CNKSR3: variants seen among roughly 807,000 people sequenced by gnomAD.
CNKSR3 encodes the protein CNKSR family member 3.
In CNKSR3, 36 loss-of-function variants were observed where a neutral mutation model predicts 67.7. The ratio of observed to expected loss-of-function variants is 0.53; its 90% confidence interval spans 0.41 to 0.70. CNKSR3 has a LOEUF of 0.70. Among genes scored for constraint, CNKSR3 ranks in the 30% least tolerant of loss-of-function variants. The probability of loss-of-function intolerance (pLI) is 0.00; values close to 1 mark genes in which losing one functional copy is unlikely to be tolerated. For missense variants in CNKSR3, 630 were observed against 695.2 expected (o/e 0.91, Z 1.05); for synonymous variants, 281 against 271.4 (o/e 1.04, Z -0.35).
Position 154,410,395 on chromosome 6 carries a change from GT to G in CNKSR3, c.1316del (p.Asn439ThrfsTer115). ...PRPLSMPADG[N>X]WMGIVDPFAR... Reference sequence around the variant, plus strand: ...CAAAAGGGTCCACAATCCCCATCCAGTTCCCATCAGCAGGCATGGACAAAGG... The same window carrying G: ...CAAAAGGGTCCACAATCCCCATCCAGTCCCATCAGCAGGCATGGACAAAGG... On this transcript the variant is annotated frameshift_variant, in exon 12 of 13. Transcript: ENST00000607772. LOFTEE classifies it high-confidence loss of function. 2 of 1,614,116 alleles carry G rather than the reference GT, an allele frequency of 1.2e-6. No homozygotes were observed. Among genetic ancestry groups the G allele is most frequent in the Non-Finnish European group, 1.7e-6 (2 of 1,179,962 alleles).
chr6:154,391,190 T>C lies in CNKSR3; in HGVS notation c.*15164A>G, dbSNP rs1784602807. On this transcript the variant is annotated 3_prime_UTR_variant, in exon 13 of 13. Coordinates refer to ENST00000607772, the MANE Select transcript of CNKSR3 (RefSeq NM_173515.4). ...ATGTGCATACATATCTGTGTCCACATGTCCTTGATTGAGCCCACCATAATG... is the reference window on the plus strand; with the variant it reads ...ATGTGCATACATATCTGTGTCCACACGTCCTTGATTGAGCCCACCATAATG... The C allele has an allele frequency of 6.6e-6, 1 of 152,174 alleles. No homozygotes were observed. The highest frequency in any genetic ancestry group is 2.1e-4 in the South Asian group (1 of 4,824). 9.4% of individuals were successfully genotyped at this position (152,174 alleles called of 1,614,324 possible). A position where few individuals can be genotyped will look rare whatever the true frequency, so the allele number is the denominator to read the frequency against.
intron 1 of CNKSR3, among the ~76,000 whole-genome samples, chr6:154,509,305 C>T (rs1787164732): frequency 7.6e-6 from 1 of 132,364 alleles, no homozygotes; most frequent in Admixed American, 7.8e-5. Flanking sequence ...ATTCCCCCCA[C>T]CACCCCCCCA....
At chr6:154,499,478 G>A (rs1171364656) in intron 1 of CNKSR3, among the ~76,000 whole-genome samples, 1 of 152,232 alleles carries the variant, frequency 6.6e-6, no homozygotes, top group African/African-American at 2.4e-5. Context: ...TCCCAGGTGA[G>A]GCTGGTGTTG....
chr6:154,487,469 A>G (rs1009552480), intron 1 of CNKSR3, among the ~76,000 whole-genome samples: 1 of 152,200 alleles, frequency 6.6e-6, no homozygotes, highest in Non-Finnish European at 1.5e-5. Context: ...TCAGGCAACC[A>G]TGAGAGGAGT....
At chr6:154,424,192 C>T (rs1785205574) in intron 7 of CNKSR3, among the ~76,000 whole-genome samples, 1 of 146,360 alleles carries the variant, frequency 6.8e-6, no homozygotes, top group Admixed American at 7.0e-5. Context: ...GATCGCGCCA[C>T]TGCACTCCAG....
chr6:154,492,214 T>C (rs1786795747), intron 1 of CNKSR3, among the ~76,000 whole-genome samples: 1 of 152,164 alleles, frequency 6.6e-6, no homozygotes, highest in African/African-American at 2.4e-5. Flanking sequence ...CCTATTCCTC[T>C]TCCTACATAC....
intron 1 of CNKSR3, among the ~76,000 whole-genome samples, chr6:154,501,091 T>C (rs1786985967): frequency 6.6e-6 from 1 of 152,172 alleles, no homozygotes; most frequent in African/African-American, 2.4e-5. Context: ...GAGGAGAGCA[T>C]CTACCTTAGC....
chr6:154,387,916 C>A lies in CNKSR3; in HGVS notation c.*18438G>T, dbSNP rs1406243952. Reference sequence around the variant, plus strand: ...TCTCCCTTAAATAGGTTTAAATTTGCTTTTCAAAATAAACAGCAAATTTCC... The same window carrying A: ...TCTCCCTTAAATAGGTTTAAATTTGATTTTCAAAATAAACAGCAAATTTCC... On this transcript the variant is annotated 3_prime_UTR_variant, in exon 13 of 13. Transcript: ENST00000607772. 1 of 151,934 alleles carries A rather than the reference C, an allele frequency of 6.6e-6. No homozygotes were observed. Among genetic ancestry groups the A allele is most frequent in the Non-Finnish European group, 1.5e-5 (1 of 67,994 alleles). 9.4% of individuals were successfully genotyped at this position (151,934 alleles called of 1,614,324 possible). A position where few individuals can be genotyped will look rare whatever the true frequency, so the allele number is the denominator to read the frequency against.
intron 1 of CNKSR3, among the ~76,000 whole-genome samples, chr6:154,500,256 A>AACACACACAC (rs5881088): frequency 0.014 from 2,097 of 147,300 alleles, 14 homozygotes; most frequent in Non-Finnish European, 0.019. Context: ...TAAAATTAGA[A>AACACACACAC]ACACACACAC....
chr6:154,504,832 C>A (rs1262047457), intron 1 of CNKSR3, among the ~76,000 whole-genome samples: 2 of 151,606 alleles, frequency 1.3e-5, no homozygotes, highest in Non-Finnish European at 2.9e-5. Context: ...CAGAGTGAGA[C>A]CCCATCTCTG....
chr6:154,440,271 C>T (rs956898203), intron 4 of CNKSR3, among the ~76,000 whole-genome samples: 3 of 152,138 alleles, frequency 2.0e-5, no homozygotes, highest in Non-Finnish European at 4.4e-5. Flanking sequence ...TTCAGAATTG[C>T]ATCTCTGTTA....
intron 1 of CNKSR3, among the ~76,000 whole-genome samples, chr6:154,479,313 G>C (rs902861873): frequency 7.2e-5 from 11 of 152,204 alleles, no homozygotes; most frequent in African/African-American, 2.4e-4. Context: ...TTGTAGAAGT[G>C]AGAGCCTCCC....
chr6:154,506,215 G>A (rs1787099505), intron 1 of CNKSR3, among the ~76,000 whole-genome samples: 1 of 150,846 alleles, frequency 6.6e-6, no homozygotes, highest in South Asian at 2.1e-4. Flanking sequence ...TTTTTTCAGG[G>A]CCACAATGTA....
In CNKSR3 at chr6:154,396,697, C is replaced by T. The variant is rs1212613235; in HGVS notation, c.*9657G>A. The T allele has an allele frequency of 6.6e-6, 1 of 152,084 alleles. No homozygotes were observed. Among genetic ancestry groups the T allele is most frequent in the Non-Finnish European group, 1.5e-5 (1 of 68,040 alleles). The allele number at this position is 152,084 out of a possible 1,614,324, so 9.4% of individuals were successfully genotyped here. ...ATGACCTTGGGACTTACTGGGGTAACTAGACCGAGAAGGATGAGTCCATTA... is the reference window on the plus strand; with the variant it reads ...ATGACCTTGGGACTTACTGGGGTAATTAGACCGAGAAGGATGAGTCCATTA... On this transcript the variant is annotated 3_prime_UTR_variant, in exon 13 of 13. Transcript: ENST00000607772.
chr6:154,503,427 AC>A (rs1787036911), intron 1 of CNKSR3, among the ~76,000 whole-genome samples: 1 of 152,054 alleles, frequency 6.6e-6, no homozygotes, highest in Non-Finnish European at 1.5e-5. Context: ...GGAGTTCCAG[AC>A]CAGCCTGGGC....
At chr6:154,439,098 C>T (rs1411995472) in intron 4 of CNKSR3, among the ~76,000 whole-genome samples, 4 of 152,164 alleles carry the variant, frequency 2.6e-5, no homozygotes, top group Non-Finnish European at 4.4e-5. Flanking sequence ...CTCAAGGAGG[C>T]GGCTCTAGGC....
chr6:154,509,586 G>A (rs1471268787), intron 1 of CNKSR3, among the ~76,000 whole-genome samples: 1 of 152,182 alleles, frequency 6.6e-6, no homozygotes, highest in Non-Finnish European at 1.5e-5. Context: ...ACCCGCCGGA[G>A]TCTCCCTCTA....
intron 4 of CNKSR3, among the ~76,000 whole-genome samples, chr6:154,438,683 G>C (rs1198948319): frequency 6.6e-6 from 1 of 152,104 alleles, no homozygotes. Context: ...CTCCCTCAGT[G>C]AGCACCACAG....
chr6:154,461,457 A>C (rs1345671196), intron 1 of CNKSR3, among the ~76,000 whole-genome samples: 3 of 152,204 alleles, frequency 2.0e-5, no homozygotes, highest in East Asian at 1.9e-4. Flanking sequence ...AAGCAAGAAG[A>C]AGCTCTGCAC....
Sources: gnomAD v4.1 joint callset for allele counts (sites outside exome capture counted in the v4.1 genomes callset) on GRCh38, gnomAD v4.1.1 for gene constraint, MANE v1.5 for transcripts, NCBI Gene and HGNC (gene_info 2026-07-23, HGNC 2026-07-21) for gene names.